Variants in SEC23A observed in about 807,000 individuals in gnomAD.
SEC23A encodes the protein SEC23 homolog A, COPII component.
SEC23A carries 56 observed loss-of-function variants against 103.7 expected under a neutral mutation model. The observed-to-expected ratio is 0.54, with a 90% CI of 0.44 to 0.67. The LOEUF is 0.67. Among genes scored for constraint, SEC23A ranks in the 30% least tolerant of loss-of-function variants. The pLI, the probability that SEC23A is intolerant of heterozygous loss-of-function variation, is 0.00. For missense variants in SEC23A, 784 were observed against 936.4 expected (o/e 0.84, Z 2.12); for synonymous variants, 281 against 293.0 (o/e 0.96, Z 0.42).
At position 39,084,939 on chromosome 14, in the gene SEC23A, G is replaced by A. The variant is rs1887377255; in HGVS notation, c.828+823C>T. ...GCCCACCTCAGCCTCCCAAAGTGCTGGGATTACAGGCATGAGGTGCCCAGC... is the reference window on the plus strand; with the variant it reads ...GCCCACCTCAGCCTCCCAAAGTGCTAGGATTACAGGCATGAGGTGCCCAGC... On this transcript the variant is annotated intron_variant, in intron 7 of 19. Coordinates refer to ENST00000307712, the MANE Select transcript of SEC23A (RefSeq NM_006364.4). Among the ~76,000 whole-genome samples the A allele has an allele frequency of 1.3e-5, 2 of 152,168 alleles. 1 individual carries two copies. Among genetic ancestry groups the A allele is most frequent in the South Asian group, 4.1e-4 (2 of 4,828 alleles).
Position 39,064,026 on chromosome 14 carries a change from T to C in SEC23A, c.1309-613A>G, listed in dbSNP as rs938958501. On this transcript the variant is annotated intron_variant, in intron 11 of 19. Transcript: ENST00000307712. ...AAATAAAATAAAAAATAAAAGTATA[T>C]GCTATTTAATGAAGTAATTGCAACT... Among the ~76,000 whole-genome samples the C allele has an allele frequency of 4.0e-5, 6 of 151,370 alleles. 1 individual carries two copies. The highest frequency in any genetic ancestry group is 1.9e-4 in the East Asian group (1 of 5,158).
intron 4 of SEC23A, among the ~76,000 whole-genome samples, chr14:39,092,292 T>C (rs1013707300): frequency 6.6e-6 from 1 of 152,212 alleles, no homozygotes; most frequent in Non-Finnish European, 1.5e-5. Context: ...GCAAGATTTA[T>C]ACTTTATTGT....
intron 7 of SEC23A, among the ~76,000 whole-genome samples, chr14:39,082,604 T>C (rs561430831): frequency 2.0e-5 from 3 of 152,120 alleles, no homozygotes; most frequent in African/African-American, 7.2e-5. Context: ...CCTAATATTT[T>C]GCAATGTTTA....
chr14:39,066,920 T>G (rs949804878), intron 10 of SEC23A, among the ~76,000 whole-genome samples: 2 of 152,092 alleles, frequency 1.3e-5, no homozygotes, highest in Non-Finnish European at 2.9e-5. Context: ...AGAAAAAAAT[T>G]AAAAAGTTAA....
At chr14:39,045,479 T>C (rs910962227) in intron 15 of SEC23A, among the ~76,000 whole-genome samples, 155 bp from the exon 16 acceptor site, 1 of 152,008 alleles carries the variant, frequency 6.6e-6, no homozygotes, top group Non-Finnish European at 1.5e-5. Context: ...AAAGGAATCC[T>C]ATTCACAAAA....
chr14:39,067,164 G>C lies in SEC23A; in HGVS notation c.1227+9C>G. On this transcript the variant is annotated intron_variant, in intron 10 of 19. Transcript: ENST00000307712. ...TAACATATCGCACATGTCAAGTTTT[G>C]GTTCTTACCTTTATTTCTAGCGTAC... 6.2e-7 allele frequency: 1 copy of C among 1,613,458 alleles called. No homozygotes were observed. Among genetic ancestry groups the C allele is most frequent in the Non-Finnish European group, 8.5e-7 (1 of 1,179,758 alleles).
rs1341901785 is a variant in SEC23A, at chr14:39,074,547, T to TAATTA, written c.988-22_988-18dup. 1 of 1,457,096 alleles carries TAATTA rather than the reference T, an allele frequency of 6.9e-7. No homozygotes were observed. The highest frequency in any genetic ancestry group is 1.7e-5 in the Admixed American group (1 of 59,824). 90.3% of individuals were successfully genotyped at this position (1,457,096 alleles called of 1,614,324 possible). A position where few individuals can be genotyped will look rare whatever the true frequency, so the allele number is the denominator to read the frequency against. On this transcript the variant is annotated splice_polypyrimidine_tract_variant and intron_variant, in intron 8 of 19. Transcript: ENST00000307712. ...TTCAAAATGCTACAAAAGATTTTCT[T>TAATTA]AATTAAAATAATATACAAAATTGTC... is the stretch of plus-strand genomic sequence containing the variant.
chr14:39,066,015 A>C (rs1449129440), intron 10 of SEC23A, among the ~76,000 whole-genome samples: 3 of 92,074 alleles, frequency 3.3e-5, no homozygotes, highest in African/African-American at 6.4e-5. Flanking sequence ...AAAAAAAAAA[A>C]AAAAAAAAAA....
At chr14:39,039,408 G>A (rs1026430922) in intron 18 of SEC23A, 2 of 270,710 alleles carry the variant, frequency 7.4e-6, no homozygotes, top group Non-Finnish European at 1.4e-5. Flanking sequence ...CTAAACACTT[G>A]GTCAGAAGTT....
chr14:39,061,594 G>C (rs1274031686), intron 13 of SEC23A, among the ~76,000 whole-genome samples, 171 bp downstream of exon 13: 2 of 152,066 alleles, frequency 1.3e-5, no homozygotes, highest in African/African-American at 4.8e-5. Context: ...ACGGTTCTTA[G>C]TAATGCATAT....
At chr14:39,091,071 T>C (rs747759173) in intron 5 of SEC23A, 39 of 417,532 alleles carry the variant, frequency 9.3e-5, no homozygotes, top group Non-Finnish European at 1.3e-4. Context: ...AGGAGTATGA[T>C]GATGACATGG....
intron 13 of SEC23A, among the ~76,000 whole-genome samples, chr14:39,059,308 A>AAAC (rs1566491619): frequency 1.4e-4 from 15 of 107,630 alleles, no homozygotes; most frequent in East Asian, 9.5e-4. Flanking sequence ...AAAAAAAAAA[A>AAAC]AACAACAAGG....
At chr14:39,096,370 A>T (rs1377456847) in intron 1 of SEC23A, among the ~76,000 whole-genome samples, 1 of 152,128 alleles carries the variant, frequency 6.6e-6, no homozygotes, top group Non-Finnish European at 1.5e-5. Flanking sequence ...GTCTCTACTA[A>T]AAATACAAAA....
In SEC23A at chr14:39,083,563, C is replaced by CTTTTTTTTTTTTTTTTTT. The variant is rs71130810; in HGVS notation, c.828+2198_828+2199insAAAAAAAAAAAAAAAAAA. On this transcript the variant is annotated intron_variant, in intron 7 of 19. Transcript: ENST00000307712. ...CCTCAGCCTTGGCAAAATAAACTTT[C>CTTTTTTTTTTTTTTTTTT]TTTTTTTTTTTTTTTTTGAGATGGA... Among the ~76,000 whole-genome samples, 11 of 91,818 alleles carry CTTTTTTTTTTTTTTTTTT rather than the reference C, an allele frequency of 1.2e-4. 1 individual carries two copies. Among genetic ancestry groups the CTTTTTTTTTTTTTTTTTT allele is most frequent in the East Asian group, 8.5e-4 (2 of 2,350 alleles). The allele number at this position is 91,818 out of a possible 152,430, so 60.2% of individuals were successfully genotyped here.
At chr14:39,074,268 A>C in intron 9 of SEC23A, 147 bp downstream of exon 9, 1 of 652,894 alleles carries the variant, frequency 1.5e-6, no homozygotes, top group Non-Finnish European at 2.7e-6. Flanking sequence ...TGTTTTACTG[A>C]AAGGAATATC....
At chr14:39,088,152 AT>A (rs1397871857) in intron 5 of SEC23A, 2 of 152,240 alleles carry the variant, frequency 1.3e-5, no homozygotes, top group Non-Finnish European at 2.9e-5. Flanking sequence ...TAAGATTTGA[AT>A]CCAGGACTAT....
intron 2 of SEC23A, among the ~76,000 whole-genome samples, chr14:39,094,425 TA>T: frequency 1.6e-5 from 1 of 64,114 alleles, no homozygotes; most frequent in Admixed American, 1.9e-4. Flanking sequence ...TATATATATA[TA>T]TATATATATA....
At position 39,033,057 on chromosome 14, in the gene SEC23A, GCT is replaced by G; in HGVS notation, c.*180_*181del. ...TAAGCAAAATAAATTTGTTCTTATTGCTCTCATTATAATTCCAGCTTAATCTA... is the reference window on the plus strand; with the variant it reads ...TAAGCAAAATAAATTTGTTCTTATTGCTCATTATAATTCCAGCTTAATCTA... On this transcript the variant is annotated 3_prime_UTR_variant, in exon 20 of 20. Transcript: ENST00000307712. 1 of 604,008 alleles carries G rather than the reference GCT, an allele frequency of 1.7e-6. No homozygotes were observed. The highest frequency in any genetic ancestry group is 3.0e-6 in the Non-Finnish European group (1 of 333,056). 37.4% of individuals were successfully genotyped at this position (604,008 alleles called of 1,614,324 possible).
At chr14:39,065,014 A>C in intron 10 of SEC23A, 21 bp from the exon 11 acceptor site, 1 of 1,507,822 alleles carries the variant, frequency 6.6e-7, no homozygotes, top group Non-Finnish European at 9.2e-7. Context: ...AGAATACAGC[A>C]TGTTCGGTTT....
Sources: gnomAD v4.1 joint callset for allele counts (sites outside exome capture counted in the v4.1 genomes callset) on GRCh38, gnomAD v4.1.1 for gene constraint, MANE v1.5 for transcripts, NCBI Gene and HGNC (gene_info 2026-07-23, HGNC 2026-07-21) for gene names.